COX4I1: variants seen among roughly 807,000 people sequenced by gnomAD.
COX4I1 encodes cytochrome c oxidase subunit 4I1.
Under a neutral mutation model 21.7 loss-of-function variants are expected in COX4I1, and 18 were observed. That is an observed-to-expected ratio of 0.83 (90% CI 0.57 to 1.23). The LOEUF is 1.23. COX4I1 is among the 50% of genes most tolerant of loss of function. COX4I1 has a pLI of 0.00. For missense variants in COX4I1, 238 were observed against 220.7 expected (o/e 1.08, Z -0.50); for synonymous variants, 100 against 81.5 (o/e 1.23, Z -1.23).
At chr16:85,804,488 CTG>C (rs748907974) in intron 2 of COX4I1, 2 of 154,210 alleles carry the variant, frequency 1.3e-5, no homozygotes, top group Non-Finnish European at 2.9e-5. Context: ...TTCCGAGTAG[CTG>C]GGACTATAGG....
intron 1 of COX4I1, 84 bp from the exon 2 acceptor site, chr16:85,801,121 C>T: frequency 3.3e-6 from 4 of 1,197,570 alleles, no homozygotes; most frequent in South Asian, 1.3e-5. Context: ...CAAAAAAATT[C>T]CAAAATGCTC....
chr16:85,801,891 T>G (rs985531267), intron 2 of COX4I1, among the ~76,000 whole-genome samples: 2 of 152,092 alleles, frequency 1.3e-5, no homozygotes, highest in Non-Finnish European at 2.9e-5. Flanking sequence ...ACACACACTT[T>G]CCAGGAGGCT....
rs1473438903 is a variant in COX4I1, at chr16:85,805,867, G to A, written c.373+3G>A. 6.8e-6 allele frequency: 11 copies of A among 1,614,022 alleles called. 1 individual carries two copies. The highest frequency in any genetic ancestry group is 6.7e-5 in the Admixed American group (4 of 60,006). On this transcript the variant is annotated splice_donor_region_variant and intron_variant, in intron 4 of 4. Coordinates refer to ENST00000253452, the MANE Select transcript of COX4I1 (RefSeq NM_001861.6). ...TATCATGTGGCAGAAGCACTATGGT[G>A]AGTAGAGAGGGAGGAAGGCATGGGC...
intron 3 of COX4I1, 160 bp from the exon 4 acceptor site, chr16:85,805,573 G>A (rs1395190404): frequency 1.7e-5 from 17 of 1,011,290 alleles, no homozygotes; most frequent in Non-Finnish European, 2.3e-5. Context: ...GCACGTGTGT[G>A]CACGTACGTG....
chr16:85,805,800 T>A lies in COX4I1; in HGVS notation c.309T>A (p.Val103=), dbSNP rs192535345. The change falls in exon 4 of 5, where the codon GTT becomes GTA. Residue 103 remains valine (V), a synonymous_variant. Coordinates refer to ENST00000253452, the MANE Select transcript of COX4I1 (RefSeq NM_001861.6). ...GGGGCTCGAACGAGTGGAAGACGGT[T>A]GTGGGCGGTGCCATGTTCTTCATCG... The part of the protein sequence containing the change: ...MNRGSNEWKT[V]VGGAMFFIGF... 3.7e-6 allele frequency: 6 copies of A among 1,614,248 alleles called. No individual in the cohort carries two copies. The highest frequency in any genetic ancestry group is 2.7e-5 in the African/African-American group (2 of 75,064).
chr16:85,806,960 A>C lies in COX4I1; in HGVS notation c.*86A>C. 2.1e-6 allele frequency: 3 copies of C among 1,439,846 alleles called. No homozygotes were observed. Among genetic ancestry groups the C allele is most frequent in the Non-Finnish European group, 2.9e-6 (3 of 1,051,482 alleles). The allele number at this position is 1,439,846 out of a possible 1,614,324, so 89.2% of individuals were successfully genotyped here. A position where few individuals can be genotyped will look rare whatever the true frequency, so the allele number is the denominator to read the frequency against. ...CTATTTACTGGAAACCTGTTATGCC[A>C]AACAGTTGTACCACTGCTAATAAAT... On this transcript the variant is annotated 3_prime_UTR_variant, in exon 5 of 5. Coordinates refer to ENST00000253452, the MANE Select transcript of COX4I1 (RefSeq NM_001861.6).
intron 2 of COX4I1, chr16:85,803,965 GTTTATT>G (rs978780282): frequency 1.3e-5 from 2 of 152,236 alleles, no homozygotes; most frequent in African/African-American, 2.4e-5. Context: ...CATTTGTTAT[GTTTATT>G]GTTTGTTTTC....
intron 3 of COX4I1, 76 bp downstream of exon 3, chr16:85,805,180 C>G (rs1906092381): frequency 5.1e-6 from 7 of 1,374,568 alleles, no homozygotes; most frequent in Non-Finnish European, 6.6e-6. Flanking sequence ...CTGCTCACTT[C>G]TGGGCCTACT....
intron 1 of COX4I1, 47 bp from the exon 2 acceptor site, chr16:85,801,157 TG>T: frequency 2.0e-6 from 3 of 1,491,400 alleles, no homozygotes; most frequent in Non-Finnish European, 2.8e-6. Context: ...ACTAATTCCT[TG>T]CTGTTTGTCC....
At chr16:85,806,336 G>A (rs1456906332) in intron 4 of COX4I1, 6 of 631,750 alleles carry the variant, frequency 9.5e-6, no homozygotes, top group East Asian at 5.5e-5. Context: ...ACTCTTCCCC[G>A]AGGTTCTTTC....
intron 4 of COX4I1, chr16:85,806,179 G>A (rs982129728): frequency 1.2e-5 from 7 of 583,290 alleles, no homozygotes; most frequent in African/African-American, 3.7e-5. Context: ...AGATGACTTC[G>A]TGAAGGTTCG....
Position 85,806,285 on chromosome 16 carries a change from T to A in COX4I1, c.373+421T>A. 4 of 602,088 alleles carry A rather than the reference T, an allele frequency of 6.6e-6. 1 individual carries two copies. The South Asian group carries it at 8.2e-5, about 12-fold the overall frequency. The allele number at this position is 602,088 out of a possible 1,614,324, so 37.3% of individuals were successfully genotyped here. A position where few individuals can be genotyped will look rare whatever the true frequency, so the allele number is the denominator to read the frequency against. ...GCATCTGGGGGTCCCGACCTGATAG[T>A]TTGTGTGTGGGCATTGCCGGGTTGC... On this transcript the variant is annotated intron_variant, in intron 4 of 4. Coordinates refer to ENST00000253452, the MANE Select transcript of COX4I1 (RefSeq NM_001861.6).
At chr16:85,802,386 A>G (rs1905834623) in intron 2 of COX4I1, among the ~76,000 whole-genome samples, 1 of 152,174 alleles carries the variant, frequency 6.6e-6, no homozygotes, top group Non-Finnish European at 1.5e-5. Flanking sequence ...TCAGCCTCTT[A>G]GAGTGTAAGC....
chr16:85,805,821 C>T lies in COX4I1; in HGVS notation c.330C>T (p.Phe110=), dbSNP rs1406454077. 1.9e-6 allele frequency: 3 copies of T among 1,614,264 alleles called. 1 individual carries two copies. In the East Asian group the frequency reaches 6.7e-5, roughly 36 times the overall value. ...WKTVVGGAMF[F]IGFTALVIMW... is the part of the protein sequence containing the mutation. ...CGGTTGTGGGCGGTGCCATGTTCTT[C>T]ATCGGTTTCACCGCGCTCGTTATCA... Residue 110 remains phenylalanine, a synonymous_variant, in exon 4 of 5, where the codon TTC becomes TTT. Transcript: ENST00000253452.
chr16:85,806,419 G>T, intron 4 of COX4I1: 1 of 557,592 alleles, frequency 1.8e-6, no homozygotes. Flanking sequence ...ATGTGGATGT[G>T]GGTTAATAAC....
At chr16:85,804,847 CAT>C (rs1432506557) in intron 2 of COX4I1, 88 bp from the exon 3 acceptor site, 6 of 1,195,216 alleles carry the variant, frequency 5.0e-6, no homozygotes, top group African/African-American at 4.5e-5. Flanking sequence ...AAGGCGTGCA[CAT>C]GTCTGTGTTT....
At chr16:85,806,194 A>G in intron 4 of COX4I1, 2 of 585,608 alleles carry the variant, frequency 3.4e-6, no homozygotes, top group Admixed American at 3.1e-5. Flanking sequence ...GGTTCGAGCA[A>G]GGATAAGGGG....
In COX4I1 at chr16:85,806,802, G is replaced by A. The variant is rs764241094; in HGVS notation, c.438G>A (p.Leu146=). The A allele has an allele frequency of 5.6e-6, 9 of 1,614,096 alleles. No homozygotes were observed. In the African/African-American group the frequency reaches 1.2e-4, roughly 22 times the overall value. ...TGGCCAAGCAGACCAAGAGGATGCT[G>A]GACATGAAGGTGAACCCCATCCAGG... ...EWVAKQTKRM[L]DMKVNPIQGL... Residue 146 remains leucine, a synonymous_variant, in exon 5 of 5, where the codon CTG becomes CTA. Transcript: ENST00000253452.
At chr16:85,804,646 G>A (rs138746510) in intron 2 of COX4I1, 27 of 247,700 alleles carry the variant, frequency 1.1e-4, no homozygotes, top group African/African-American at 4.7e-4. Flanking sequence ...GTGAGCCACC[G>A]CGCCCAGCCC....
Sources: allele counts gnomAD v4.1 joint callset (sites outside exome capture counted in the v4.1 genomes callset), GRCh38; gene constraint gnomAD v4.1.1; transcripts MANE v1.5; gene names NCBI Gene and HGNC (gene_info 2026-07-23, HGNC 2026-07-21).